The following FAM107B variants were observed in gnomAD, a reference collection of about 807,000 sequenced individuals.
FAM107B encodes protein FAM107B.
FAM107B carries 21 observed loss-of-function variants against 31.5 expected under a neutral mutation model. The ratio of observed to expected loss-of-function variants is 0.67; its 90% CI spans 0.47 to 0.96. The LOEUF (loss-of-function observed/expected upper bound fraction) is 0.96, where lower values mean the gene tolerates loss of function less well. Ranked by LOEUF, FAM107B falls within the 40% of genes least tolerant of loss-of-function variation. The pLI is 0.00. For synonymous variants in FAM107B, 157 were observed against 141.5 expected (o/e 1.11, Z -0.78); for missense variants, 452 against 377.1 (o/e 1.20, Z -1.64).
intron 2 of FAM107B, among the ~76,000 whole-genome samples, chr10:14,589,158 A>T (rs1256066111): frequency 6.8e-6 from 1 of 146,710 alleles, no homozygotes; most frequent in Non-Finnish European, 1.5e-5. Context: ...CCTAGGTGAC[A>T]CACCGAGACT....
intron 1 of FAM107B, among the ~76,000 whole-genome samples, chr10:14,747,488 T>TTGATGC (rs1413840230): frequency 6.6e-6 from 1 of 152,198 alleles, no homozygotes; most frequent in Non-Finnish European, 1.5e-5. Context: ...GATTTTTTTG[T>TTGATGC]TGATGCTGTT....
intron 1 of FAM107B, among the ~76,000 whole-genome samples, chr10:14,706,736 C>A (rs1047345637): frequency 6.6e-6 from 1 of 152,224 alleles, no homozygotes; most frequent in African/African-American, 2.4e-5. Context: ...TGGAGACTAT[C>A]TTTTCCTGGT....
At chr10:14,536,444 G>A (rs890860210) in intron 2 of FAM107B, among the ~76,000 whole-genome samples, 7 of 152,154 alleles carry the variant, frequency 4.6e-5, no homozygotes, top group African/African-American at 1.4e-4. Context: ...CCCAAGTTAC[G>A]TAAGGTGGAG....
chr10:14,762,856 C>G (rs1177007301), intron 1 of FAM107B, among the ~76,000 whole-genome samples: 1 of 151,966 alleles, frequency 6.6e-6, no homozygotes, highest in Non-Finnish European at 1.5e-5. Context: ...CATGATGGAT[C>G]TTGAACCTCA....
chr10:14,759,181 AAAATAAATAAAT>A (rs60547324), intron 1 of FAM107B, among the ~76,000 whole-genome samples: 36 of 144,886 alleles, frequency 2.5e-4, no homozygotes, highest in East Asian at 8.0e-4. Flanking sequence ...TCTGTCTCAA[AAAATAAATAAAT>A]AAATAAATAA....
intron 1 of FAM107B, among the ~76,000 whole-genome samples, chr10:14,711,674 C>A (rs1041507649): frequency 1.3e-5 from 2 of 152,138 alleles, no homozygotes; most frequent in African/African-American, 4.8e-5. Flanking sequence ...GACAGAGTCT[C>A]GTTCTGTCGC....
At chr10:14,572,349 G>C in intron 2 of FAM107B, 1 of 985,388 alleles carries the variant, frequency 1.0e-6, no homozygotes, top group Non-Finnish European at 1.2e-6. Flanking sequence ...TGGGTACCAG[G>C]TTGCAACACT....
chr10:14,706,018 CA>C (rs1343653033), intron 1 of FAM107B, among the ~76,000 whole-genome samples: 1 of 152,184 alleles, frequency 6.6e-6, no homozygotes, highest in Non-Finnish European at 1.5e-5. Flanking sequence ...AGCTATCAGG[CA>C]AATTAACATA....
chr10:14,633,166 T>A (rs1418569884), intron 2 of FAM107B, among the ~76,000 whole-genome samples: 1 of 148,254 alleles, frequency 6.7e-6, no homozygotes, highest in Non-Finnish European at 1.5e-5. Context: ...GCCACTGCAC[T>A]CCAGCCTGGG....
intron 1 of FAM107B, among the ~76,000 whole-genome samples, chr10:14,729,151 C>T (rs1193007795): frequency 6.6e-6 from 1 of 152,012 alleles, no homozygotes; most frequent in Non-Finnish European, 1.5e-5. Flanking sequence ...CATTGTCATA[C>T]CTGGCTATTT....
intron 2 of FAM107B, among the ~76,000 whole-genome samples, chr10:14,609,876 T>C (rs1381512819): frequency 1.3e-5 from 2 of 152,276 alleles, no homozygotes; most frequent in Non-Finnish European, 2.9e-5. Context: ...GTGGAAACCT[T>C]GGAGAGGTAT....
chr10:14,531,419 C>T (rs1250612642), intron 2 of FAM107B, among the ~76,000 whole-genome samples: 1 of 151,792 alleles, frequency 6.6e-6, no homozygotes, highest in East Asian at 1.9e-4. Flanking sequence ...ACTCAGGAGG[C>T]TGAGGTGGGA....
intron 1 of FAM107B, among the ~76,000 whole-genome samples, chr10:14,731,058 T>A (rs1856161651): frequency 6.6e-6 from 1 of 152,168 alleles, no homozygotes; most frequent in East Asian, 1.9e-4. Flanking sequence ...AGGCGGATAT[T>A]ACAGACTTTG....
At chr10:14,631,216 T>A (rs1853346388) in intron 2 of FAM107B, among the ~76,000 whole-genome samples, 1 of 152,162 alleles carries the variant, frequency 6.6e-6, no homozygotes, top group Non-Finnish European at 1.5e-5. Context: ...CTGGGCAGCA[T>A]CCTATCATCC....
chr10:14,697,424 T>C (rs149065012), intron 1 of FAM107B, among the ~76,000 whole-genome samples: 42 of 152,354 alleles, frequency 2.8e-4, no homozygotes, highest in African/African-American at 9.9e-4. Flanking sequence ...TCTGCATTTA[T>C]GTAATTGGAA....
intron 1 of FAM107B, among the ~76,000 whole-genome samples, chr10:14,711,639 G>T: frequency 6.6e-6 from 1 of 152,116 alleles, no homozygotes; most frequent in East Asian, 1.9e-4. Context: ...ATGTATCCCT[G>T]CTTTTTTTAG....
intron 1 of FAM107B, among the ~76,000 whole-genome samples, chr10:14,749,370 G>A (rs1010807818): frequency 6.6e-5 from 10 of 152,066 alleles, no homozygotes; most frequent in East Asian, 3.9e-4. Flanking sequence ...TGTCAGCTCC[G>A]CCCCACCAGT....
chr10:14,576,356 G>A (rs761873427), intron 2 of FAM107B, among the ~76,000 whole-genome samples: 5 of 152,134 alleles, frequency 3.3e-5, no homozygotes, highest in Non-Finnish European at 7.4e-5. Flanking sequence ...GTGAAACCCC[G>A]TCTCTACTGA....
intron 2 of FAM107B, among the ~76,000 whole-genome samples, chr10:14,603,830 C>G (rs1480213779): frequency 1.3e-5 from 2 of 151,794 alleles, no homozygotes; most frequent in African/African-American, 4.8e-5. Flanking sequence ...CGGGGCGCGA[C>G]CCGGTCCACG....
Sources: allele counts gnomAD v4.1 joint callset (sites outside exome capture counted in the v4.1 genomes callset), GRCh38; gene constraint gnomAD v4.1.1; transcripts MANE v1.5; gene names NCBI Gene and HGNC (gene_info 2026-07-23, HGNC 2026-07-21).